NR2F2: variants seen among roughly 807,000 people sequenced by gnomAD.
The protein encoded by NR2F2 is COUP transcription factor 2.
Under a neutral mutation model 34.8 loss-of-function variants are expected in NR2F2, and 2 were observed. The observed-to-expected ratio is 0.06, with a 90% confidence interval of 0.02 to 0.18. The LOEUF is 0.18. Ranked by LOEUF, NR2F2 falls within the 10% of genes least tolerant of loss-of-function variation. The pLI, the probability that NR2F2 is intolerant of heterozygous loss-of-function variation, is 1.00. For synonymous variants in NR2F2, 274 were observed against 251.8 expected, an observed-to-expected ratio of 1.09 and a Z score of -0.84; for missense variants, 300 against 580.1, an observed-to-expected ratio of 0.52 and a Z score of 4.96.
At position 96,338,659 on chromosome 15, in the gene NR2F2, T is replaced by C. The variant is rs1899405679; in HGVS notation, c.*1037T>C. On this transcript the variant is annotated 3_prime_UTR_variant, in exon 3 of 3. Coordinates refer to ENST00000394166, the MANE Select transcript of NR2F2 (RefSeq NM_021005.4). ...ATTCAGTATCTTAGAGTTTACAGTTTGTGTTTTAAAAAAACTGAAGGTTTT... is the reference window on the plus strand; with the variant it reads ...ATTCAGTATCTTAGAGTTTACAGTTCGTGTTTTAAAAAAACTGAAGGTTTT... 6.6e-6 allele frequency: 1 copy of C among 152,570 alleles called. No homozygotes were observed. The highest frequency in any genetic ancestry group is 1.5e-5 in the Non-Finnish European group (1 of 68,020). The allele number at this position is 152,570 out of a possible 1,614,324, so 9.5% of individuals were successfully genotyped here.
upstream of NR2F2, among the ~76,000 whole-genome samples, chr15:96,329,667 G>C (rs937262627): frequency 6.6e-6 from 1 of 152,194 alleles, no homozygotes; most frequent in Non-Finnish European, 1.5e-5. Flanking sequence ...TGTGTGTACA[G>C]AGGGTGTGCA....
Position 96,331,391 on chromosome 15 carries a change from G to A in NR2F2, c.-715G>A. On this transcript the variant is annotated 5_prime_UTR_variant, in exon 1 of 3. Coordinates refer to ENST00000394166, the MANE Select transcript of NR2F2 (RefSeq NM_021005.4). ...GGGCAGCGCTCCGGCCACTCCGCGG[G>A]CCGCCGGCCTCCGCCCCGGCCTGCC... The A allele has an allele frequency of 8.2e-7, 1 of 1,226,694 alleles. No individual in the cohort carries two copies. Among genetic ancestry groups the A allele is most frequent in the Non-Finnish European group, 1.0e-6 (1 of 984,878 alleles). The allele number at this position is 1,226,694 out of a possible 1,614,324, so 76.0% of individuals were successfully genotyped here.
At chr15:96,330,382 C>G (rs1050780072), upstream of NR2F2, among the ~76,000 whole-genome samples, 2 of 151,030 alleles carry the variant, frequency 1.3e-5, no homozygotes, top group African/African-American at 4.8e-5. Flanking sequence ...GCAGGGCCAG[C>G]ACGGGCCCAT....
chr15:96,335,512 A>G (rs1899298133), intron 2 of NR2F2, among the ~76,000 whole-genome samples: 1 of 152,154 alleles, frequency 6.6e-6, no homozygotes, highest in Admixed American at 6.6e-5. Flanking sequence ...AGTTCAGCAT[A>G]GCCCAGGTGG....
In NR2F2 at chr15:96,331,566, A is replaced by ACCTCCTCTT; in HGVS notation, c.-532_-524dup. 1.7e-6 allele frequency: 2 copies of ACCTCCTCTT among 1,208,208 alleles called. No individual in the cohort carries two copies. The highest frequency in any genetic ancestry group is 4.4e-5 in the Admixed American group (1 of 22,608). The allele number at this position is 1,208,208 out of a possible 1,614,324, so 74.8% of individuals were successfully genotyped here. On this transcript the variant is annotated 5_prime_UTR_variant, in exon 1 of 3. Transcript: ENST00000394166. ...CTCCTCTACCTCCTCCTTCACCACCACCTCCTCTTCCTCCTCCTCCTCCTC... is the reference window on the plus strand; with the variant it reads ...CTCCTCTACCTCCTCCTTCACCACCACCTCCTCTTCCTCCTCTTCCTCCTCCTCCTCCTC...
rs1489206616 is a variant in NR2F2, at chr15:96,331,091, G to T, written c.-1015G>T. The stretch of plus-strand genomic sequence containing the variant: ...CAGCGGCTCCGGCGGCGGCAGCAGC[G>T]GCAGCAGCGACTTCAGCGGCGGCGG... On this transcript the variant is annotated 5_prime_UTR_variant, in exon 1 of 3. Coordinates refer to ENST00000394166, the MANE Select transcript of NR2F2 (RefSeq NM_021005.4). 2 of 1,226,576 alleles carry T rather than the reference G, an allele frequency of 1.6e-6. No homozygotes were observed. Among genetic ancestry groups the T allele is most frequent in the Non-Finnish European group, 2.0e-6 (2 of 986,068 alleles). The allele number at this position is 1,226,576 out of a possible 1,614,324, so 76.0% of individuals were successfully genotyped here.
upstream of NR2F2, among the ~76,000 whole-genome samples, chr15:96,329,392 T>C (rs1406327276): frequency 1.3e-5 from 2 of 152,214 alleles, no homozygotes; most frequent in Non-Finnish European, 2.9e-5. Context: ...TGGAGCAGAA[T>C]GGCAATAGGC....
chr15:96,328,837 G>A (rs904045510), upstream of NR2F2, among the ~76,000 whole-genome samples: 3 of 150,662 alleles, frequency 2.0e-5, no homozygotes, highest in South Asian at 2.1e-4. Context: ...TGATTTCATC[G>A]GAGAAAGAGT....
chr15:96,336,519 A>G (rs1899331907), intron 2 of NR2F2, among the ~76,000 whole-genome samples: 3 of 152,166 alleles, frequency 2.0e-5, no homozygotes. Context: ...GAGCCCTGAA[A>G]GGTCAGGTCA....
In NR2F2 at chr15:96,334,329, C is replaced by A. The variant is rs141514117; in HGVS notation, c.696C>A (p.Phe232Leu). The change falls in exon 2 of 3, where the codon TTC becomes TTA. Residue 232 changes from phenylalanine to leucine, a missense_variant. Physicochemically the swap from Phe to Leu is conservative, Grantham distance 22 (BLOSUM62 0). This residue lies in a region of NR2F2 where 164 missense variants were observed against 365.3 expected (regional missense o/e 0.45). Coordinates refer to ENST00000394166, the MANE Select transcript of NR2F2 (RefSeq NM_021005.4). ...TCGAGTGGGCCCGGAACATCCCCTT[C>A]TTCCCCGACCTGCAGATCACGGACC... ...SAVEWARNIP[F>L]FPDLQITDQV... The A allele has an allele frequency of 4.3e-6, 7 of 1,614,242 alleles. No homozygotes were observed. Among genetic ancestry groups the A allele is most frequent in the Non-Finnish European group, 5.9e-6 (7 of 1,180,046 alleles).
rs1236680025 is a variant in NR2F2, at chr15:96,332,215, C to A, written c.110C>A (p.Pro37Gln). Residue 37 changes from proline (P) to glutamine (Q), a missense_variant, in exon 1 of 3, where the codon CCG (proline) becomes CAG (glutamine). This residue lies in a region of NR2F2 where 105 missense variants were observed against 107.8 expected (regional missense o/e 0.97). Transcript: ENST00000394166. ...PPVPGPPPGA[P>Q]HTPQTPGQGG... ...GTGCCCGGCCCGCCGCCCGGCGCCC[C>A]GCACACGCCACAGACGCCCGGCCAA... 7.0e-7 allele frequency: 1 copy of A among 1,418,828 alleles called. No homozygotes were observed. The highest frequency in any genetic ancestry group is 9.2e-7 in the Non-Finnish European group (1 of 1,085,636). 87.9% of individuals were successfully genotyped at this position (1,418,828 alleles called of 1,614,324 possible).
At position 96,331,120 on chromosome 15, in the gene NR2F2, C is replaced by A; in HGVS notation, c.-986C>A. 1 of 1,176,568 alleles carries A rather than the reference C, an allele frequency of 8.5e-7. No individual in the cohort carries two copies. The highest frequency in any genetic ancestry group is 1.1e-6 in the Non-Finnish European group (1 of 949,630). The allele number at this position is 1,176,568 out of a possible 1,614,324, so 72.9% of individuals were successfully genotyped here. On this transcript the variant is annotated 5_prime_UTR_variant, in exon 1 of 3. Transcript: ENST00000394166. ...GCAGCGACTTCAGCGGCGGCGGCGG[C>A]GCTAGACGCAGCGGCTCCGGGCCCG...
intron 2 of NR2F2, among the ~76,000 whole-genome samples, chr15:96,335,064 A>G (rs1041778691): frequency 2.0e-5 from 3 of 152,262 alleles, no homozygotes; most frequent in African/African-American, 7.2e-5. Context: ...CTGCTAACTC[A>G]ATAGGAGTTG....
Position 96,331,612 on chromosome 15 carries a change from CGG to C in NR2F2, c.-493_-492del. 3 of 1,200,572 alleles carry C rather than the reference CGG, an allele frequency of 2.5e-6. No homozygotes were observed. Among genetic ancestry groups the C allele is most frequent in the Non-Finnish European group, 3.1e-6 (3 of 961,984 alleles). The allele number at this position is 1,200,572 out of a possible 1,614,324, so 74.4% of individuals were successfully genotyped here. A position where few individuals can be genotyped will look rare whatever the true frequency, so the allele number is the denominator to read the frequency against. On this transcript the variant is annotated 5_prime_UTR_variant, in exon 1 of 3. An upstream open reading frame in the 5' UTR loses its in-frame stop. Transcript: ENST00000394166. Reference sequence around the variant, plus strand: ...TCCTCCTCCTCCTCCGCCAACTCCTCGGCTGCACACCAGCTCTAAGAGCGAGA... The same window carrying C: ...TCCTCCTCCTCCTCCGCCAACTCCTCCTGCACACCAGCTCTAAGAGCGAGA...
At chr15:96,328,339 T>C (rs766894739), upstream of NR2F2, among the ~76,000 whole-genome samples, 2 of 152,238 alleles carry the variant, frequency 1.3e-5, no homozygotes, top group African/African-American at 2.4e-5. Flanking sequence ...GGGGAAGCTC[T>C]TCCTCCTCGA....
chr15:96,334,535 A>C lies in NR2F2; in HGVS notation c.902A>C (p.Lys301Thr). ...CGGATCTTCCAAGAGCAAGTGGAGA[A>C]GCTCAAGGCGCTGCACGTTGACTCA... is the stretch of plus-strand genomic sequence containing the variant. ...HIRIFQEQVE[K>T]LKALHVDSAE... is the part of the protein sequence containing the mutation. The change falls in exon 2 of 3, where the codon AAG becomes ACG. Residue 301 changes from lysine to threonine, a missense_variant. Lys to Thr is a moderately conservative substitution (Grantham distance 78). This residue lies in a region of NR2F2 where 164 missense variants were observed against 365.3 expected (regional missense o/e 0.45). Transcript: ENST00000394166. 1 of 1,613,544 alleles carries C rather than the reference A, an allele frequency of 6.2e-7. No individual in the cohort carries two copies. Among genetic ancestry groups the C allele is most frequent in the South Asian group, 1.1e-5 (1 of 91,082 alleles).
In NR2F2 at chr15:96,331,576, C is replaced by T. The variant is rs1899143824; in HGVS notation, c.-530C>T. The T allele has an allele frequency of 3.0e-6, 3 of 1,013,450 alleles. No homozygotes were observed. The highest frequency in any genetic ancestry group is 4.1e-4 in the Middle Eastern group (1 of 2,466). 62.8% of individuals were successfully genotyped at this position (1,013,450 alleles called of 1,614,324 possible). ...TCCTCCTTCACCACCACCTCCTCTT[C>T]CTCCTCCTCCTCCTCCTCCTCCTCC... On this transcript the variant is annotated 5_prime_UTR_variant, in exon 1 of 3. Coordinates refer to ENST00000394166, the MANE Select transcript of NR2F2 (RefSeq NM_021005.4).
chr15:96,334,738 A>G (rs1278915678), intron 2 of NR2F2, 135 bp downstream of exon 2: 1 of 917,994 alleles, frequency 1.1e-6, no homozygotes, highest in African/African-American at 1.7e-5. Flanking sequence ...TTAAAGTGGG[A>G]ACTTTTTATA....
At chr15:96,333,414 C>T (rs1234667653) in intron 1 of NR2F2, 2 of 1,002,506 alleles carry the variant, frequency 2.0e-6, no homozygotes, top group East Asian at 2.3e-4. Context: ...TGCCCAGGCT[C>T]CGCTAGTGCC....
Sources: gnomAD v4.1 joint callset for allele counts (sites outside exome capture counted in the v4.1 genomes callset) on GRCh38, gnomAD v4.1.1 for gene constraint, gnomAD v4.1.1 regional missense constraint, MANE v1.5 for transcripts, NCBI Gene and HGNC (gene_info 2026-07-23, HGNC 2026-07-21) for gene names.